The following BMPR1B variants were observed in gnomAD, a reference collection of about 807,000 sequenced individuals.
The protein encoded by BMPR1B is bone morphogenetic protein receptor type-1B.
BMPR1B carries 12 observed loss-of-function variants against 59.1 expected under a neutral mutation model. The observed-to-expected ratio is 0.20, with a 90% CI of 0.13 to 0.33. The LOEUF (loss-of-function observed/expected upper bound fraction) is 0.33, where lower values mean the gene tolerates loss of function less well. Ranked by LOEUF, BMPR1B falls within the 10% of genes least tolerant of loss-of-function variation. The pLI, the probability that BMPR1B is intolerant of heterozygous loss-of-function variation, is 1.00. For synonymous variants in BMPR1B, 237 were observed against 207.3 expected (o/e 1.14, Z -1.23); for missense variants, 550 against 610.9 (o/e 0.90, Z 1.05).
chr4:95,128,986 T>C (rs1733103453), intron 8 of BMPR1B, among the ~76,000 whole-genome samples: 1 of 152,092 alleles, frequency 6.6e-6, no homozygotes, highest in Non-Finnish European at 1.5e-5. Context: ...TTCTCCTTTT[T>C]CCTCCCCATT....
chr4:94,864,705 T>C (rs1726139659), intron 1 of BMPR1B, among the ~76,000 whole-genome samples: 1 of 152,154 alleles, frequency 6.6e-6, no homozygotes, highest in Non-Finnish European at 1.5e-5. Context: ...AGGTAAAAAC[T>C]TTTAATACCC....
At chr4:95,139,912 C>T (rs72672722) in intron 10 of BMPR1B, among the ~76,000 whole-genome samples, 4,476 of 152,280 alleles carry the variant, frequency 0.029, 104 homozygotes, top group Middle Eastern at 0.065. Flanking sequence ...CACCCTGCTT[C>T]GGCTCACACT....
At chr4:95,116,529 A>G (rs1431284462) in intron 6 of BMPR1B, among the ~76,000 whole-genome samples, 1 of 150,458 alleles carries the variant, frequency 6.6e-6, no homozygotes, top group Non-Finnish European at 1.5e-5. Flanking sequence ...GTGATTTTTC[A>G]TGATTGATTT....
chr4:94,952,606 C>T (rs1375358311), intron 2 of BMPR1B, among the ~76,000 whole-genome samples: 4 of 152,056 alleles, frequency 2.6e-5, no homozygotes, highest in African/African-American at 7.2e-5. Flanking sequence ...CTAATTTGAT[C>T]GCAATGTGGT....
intron 2 of BMPR1B, among the ~76,000 whole-genome samples, chr4:94,916,479 C>A (rs1042454040): frequency 1.8e-4 from 28 of 152,124 alleles, no homozygotes; most frequent in Non-Finnish European, 3.5e-4. Context: ...TCTATTCATG[C>A]CCTAGGGAAC....
chr4:94,844,241 GT>G (rs1205182752), intron 1 of BMPR1B, among the ~76,000 whole-genome samples: 1 of 146,938 alleles, frequency 6.8e-6, no homozygotes, highest in Admixed American at 6.8e-5. Context: ...GTGTGTGTGT[GT>G]GTGTGTGTGT....
chr4:95,130,723 CTTTTTTTT>C (rs148720302), intron 9 of BMPR1B, among the ~76,000 whole-genome samples: 2 of 77,930 alleles, frequency 2.6e-5, no homozygotes, highest in Non-Finnish European at 2.2e-5. Flanking sequence ...CTTTTCTTTT[CTTTTTTTT>C]TTTTTTTTTT....
chr4:95,144,099 C>G lies in BMPR1B; in HGVS notation c.1077-4649C>G, dbSNP rs113850186. 2.9e-3 allele frequency among the ~76,000 whole-genome samples: 434 copies of G among 152,176 alleles called. 4 individuals carry two copies. Among genetic ancestry groups the G allele is most frequent in the African/African-American group, 9.1e-3 (379 of 41,514 alleles). ...TCCCTCACTGAGTTCCCCTTTACCCCCAGGCTCTCATTAATTTCTTACTCA... is the reference window on the plus strand; with the variant it reads ...TCCCTCACTGAGTTCCCCTTTACCCGCAGGCTCTCATTAATTTCTTACTCA... On this transcript the variant is annotated intron_variant, in intron 10 of 12. Transcript: ENST00000515059.
intron 6 of BMPR1B, among the ~76,000 whole-genome samples, chr4:95,120,296 T>C (rs923717591): frequency 6.6e-6 from 1 of 152,220 alleles, no homozygotes; most frequent in African/African-American, 2.4e-5. Flanking sequence ...TGATTGTGTG[T>C]CTTTGCTATT....
intron 1 of BMPR1B, among the ~76,000 whole-genome samples, chr4:94,853,949 C>T (rs937185984): frequency 2.0e-5 from 3 of 152,240 alleles, no homozygotes; most frequent in South Asian, 2.1e-4. Flanking sequence ...TCAGTCATTC[C>T]AGTGATTTTA....
At chr4:95,026,593 C>A (rs1724430732) in intron 3 of BMPR1B, among the ~76,000 whole-genome samples, 1 of 151,856 alleles carries the variant, frequency 6.6e-6, no homozygotes, top group African/African-American at 2.4e-5. Context: ...TGAGGATTAG[C>A]CCTAATCTTA....
rs374234808 is a variant in BMPR1B at position 94,938,362 on chromosome 4, G to C, written c.-112-57678G>C. Among the ~76,000 whole-genome samples, 75 of 152,192 alleles carry C rather than the reference G, an allele frequency of 4.9e-4. 1 individual carries two copies. Among genetic ancestry groups the C allele is most frequent in the African/African-American group, 1.8e-3 (73 of 41,526 alleles). On this transcript the variant is annotated intron_variant, in intron 2 of 12. Coordinates refer to ENST00000515059, the MANE Select transcript of BMPR1B (RefSeq NM_001203.3). ...ATACAAAAAATAGCTGGGTGTGGTG[G>C]TGCACACCTGTAATCCCAGCTACTT...
rs141032424 is a variant in BMPR1B at position 95,131,415 on chromosome 4, G to T, written c.979G>T (p.Ala327Ser). The T allele has an allele frequency of 3.1e-6, 5 of 1,613,890 alleles. No homozygotes were observed. The highest frequency in any genetic ancestry group is 1.3e-5 in the African/African-American group (1 of 74,898). ...TEIFSTQGKP[A>S]IAHRDLKSKN... ...AATCTTTAGTACTCAAGGCAAACCA[G>T]CAATTGCCCATCGAGATCTGAAAAG... is the stretch of plus-strand genomic sequence containing the variant. Residue 327 changes from alanine (A) to serine (S), a missense_variant, in exon 10 of 13, where the codon GCA becomes TCA. Coordinates refer to ENST00000515059, the MANE Select transcript of BMPR1B (RefSeq NM_001203.3).
At chr4:95,144,385 G>A (rs1734479709) in intron 10 of BMPR1B, among the ~76,000 whole-genome samples, 1 of 151,886 alleles carries the variant, frequency 6.6e-6, no homozygotes, top group Non-Finnish European at 1.5e-5. Context: ...ATGTTGCCCA[G>A]GCTGGTCTTG....
At chr4:94,913,223 T>C (rs1348323869) in intron 2 of BMPR1B, among the ~76,000 whole-genome samples, 1 of 151,918 alleles carries the variant, frequency 6.6e-6, no homozygotes, top group Non-Finnish European at 1.5e-5. Flanking sequence ...ATTAAGCATA[T>C]TTTCTGCTTT....
intron 1 of BMPR1B, among the ~76,000 whole-genome samples, chr4:94,826,609 A>C (rs1182935484): frequency 6.6e-6 from 1 of 151,916 alleles, no homozygotes; most frequent in Non-Finnish European, 1.5e-5. Context: ...AGGTAGGGAG[A>C]ATCTCAGGAA....
chr4:94,765,198 A>G (rs537404812), intron 1 of BMPR1B, among the ~76,000 whole-genome samples: 2 of 152,204 alleles, frequency 1.3e-5, no homozygotes, highest in African/African-American at 4.8e-5. Flanking sequence ...AAAGTGCTTT[A>G]TACTATTACC....
intron 10 of BMPR1B, among the ~76,000 whole-genome samples, chr4:95,144,905 A>AT (rs1277290097): frequency 2.0e-5 from 3 of 152,174 alleles, no homozygotes; most frequent in African/African-American, 7.2e-5. Flanking sequence ...GTTTATTTAT[A>AT]TCACTTTTGT....
intron 1 of BMPR1B, among the ~76,000 whole-genome samples, chr4:94,854,741 TG>T (rs1331379115): frequency 6.6e-6 from 1 of 152,116 alleles, no homozygotes. Flanking sequence ...AGCCTATTCT[TG>T]GCCCATGAAA....
Sources: gnomAD v4.1 joint callset for allele counts (sites outside exome capture counted in the v4.1 genomes callset) on GRCh38, gnomAD v4.1.1 for gene constraint, MANE v1.5 for transcripts, NCBI Gene and HGNC (gene_info 2026-07-23, HGNC 2026-07-21) for gene names.